Variants in UPP2 observed in about 807,000 individuals in gnomAD.
The protein encoded by UPP2 is UPase 2.
UPP2 carries 23 observed loss-of-function variants against 26.7 expected under a neutral mutation model. That is an observed-to-expected ratio of 0.86 (90% CI 0.62 to 1.22). The LOEUF is 1.22. Ranked by LOEUF, UPP2 falls within the 50% of genes most tolerant of loss-of-function variation. UPP2 has a pLI of 0.00. For missense variants in UPP2, 387 were observed against 396.7 expected (o/e 0.98, Z 0.21); for synonymous variants, 127 against 141.3 (o/e 0.90, Z 0.72).
At chr2:158,017,877 T>G (rs901597859) in intron 3 of UPP2, among the ~76,000 whole-genome samples, 3 of 152,268 alleles carry the variant, frequency 2.0e-5, no homozygotes, top group African/African-American at 7.2e-5. Context: ...TTTCTATTAT[T>G]CTTTGTTTCT....
chr2:158,111,954 G>C (rs1683328321), intron 2 of UPP2, among the ~76,000 whole-genome samples: 1 of 152,088 alleles, frequency 6.6e-6, no homozygotes, highest in African/African-American at 2.4e-5. Flanking sequence ...AAGAAATTTT[G>C]AAAGCTCTAA....
intron 2 of UPP2, among the ~76,000 whole-genome samples, chr2:158,012,330 C>T (rs746856008): frequency 2.5e-5 from 3 of 121,734 alleles, no homozygotes; most frequent in African/African-American, 5.9e-5. Flanking sequence ...TACAGTGAAA[C>T]GATCTCGGCT....
At chr2:158,119,354 A>G (rs7576829) in intron 4 of UPP2, among the ~76,000 whole-genome samples, 84,829 of 151,832 alleles carry the variant, frequency 0.56, 24,423 homozygotes, top group African/African-American at 0.59. Context: ...AACCCACTGT[A>G]CTGGTGTGGA....
chr2:158,073,000 A>G (rs1183492627), intron 3 of UPP2, among the ~76,000 whole-genome samples: 1 of 152,192 alleles, frequency 6.6e-6, no homozygotes, highest in Non-Finnish European at 1.5e-5. Flanking sequence ...CCATGGACCA[A>G]TCCTGGAAAA....
intron 4 of UPP2, among the ~76,000 whole-genome samples, chr2:158,120,952 T>A (rs57738915): frequency 2.0e-5 from 3 of 151,908 alleles, no homozygotes; most frequent in African/African-American, 4.8e-5. Context: ...CTGATTTACA[T>A]GAAGTCGGCG....
rs550987314 is a variant in UPP2, at chr2:158,007,613, G to A, written c.62-8188G>A. Among the ~76,000 whole-genome samples the A allele has an allele frequency of 8.6e-5, 13 of 150,456 alleles. No homozygotes were observed. The South Asian group carries it at 1.5e-3, about 17-fold the overall frequency. ...GCTAAGAGGAGCGTGGGTTTTTCAC[G>A]TATTTCTCTCTCTCTCTTTTTTTTT... On this transcript the variant is annotated intron_variant, in intron 2 of 9. Transcript: ENST00000605860.
chr2:158,093,312 A>G (rs973379471), intron 3 of UPP2, among the ~76,000 whole-genome samples: 1 of 144,562 alleles, frequency 6.9e-6, no homozygotes, highest in Non-Finnish European at 1.5e-5. Context: ...ACACAATTAG[A>G]AAAAAAATAA....
intron 3 of UPP2, among the ~76,000 whole-genome samples, chr2:158,059,482 C>T (rs182721773): frequency 3.4e-4 from 52 of 152,328 alleles, no homozygotes; most frequent in African/African-American, 1.2e-3. Flanking sequence ...AGTGTTGTTC[C>T]ACATGCAGTC....
rs540718860 is a variant in UPP2, at chr2:158,022,571, C to A, written c.147+6685C>A. On this transcript the variant is annotated intron_variant, in intron 3 of 9. Coordinates refer to the UPP2 transcript ENST00000605860. ...ATTTAAAAATGTTGGTCTGAACCCA[C>A]TAAATTGACACCACACAATAGTTGA... 3.3e-5 allele frequency among the ~76,000 whole-genome samples: 5 copies of A among 152,122 alleles called. No homozygotes were observed. The South Asian group carries it at 1.0e-3, about 32-fold the overall frequency.
chr2:158,063,754 A>AC (rs1272716765), intron 3 of UPP2, among the ~76,000 whole-genome samples: 2 of 149,526 alleles, frequency 1.3e-5, no homozygotes, highest in Admixed American at 1.3e-4. Context: ...CTTAGCCTCC[A>AC]CCCCCCGACA....
chr2:158,058,260 G>T (rs578059866), intron 3 of UPP2, among the ~76,000 whole-genome samples: 10 of 145,028 alleles, frequency 6.9e-5, no homozygotes, highest in South Asian at 2.3e-4. Flanking sequence ...GCCACTGCAT[G>T]CCAGCCTGGG....
At chr2:158,065,058 C>T (rs1381927858) in intron 3 of UPP2, among the ~76,000 whole-genome samples, 6 of 152,112 alleles carry the variant, frequency 3.9e-5, no homozygotes. Flanking sequence ...TCTGCAGCTC[C>T]CAGTGAGATC....
chr2:158,108,562 G>C (rs1401092975), intron 2 of UPP2, among the ~76,000 whole-genome samples: 1 of 151,826 alleles, frequency 6.6e-6, no homozygotes, highest in East Asian at 1.9e-4. Context: ...ATAAAAATAA[G>C]GGGACTCACA....
At chr2:158,032,748 G>C (rs759916262) in intron 3 of UPP2, among the ~76,000 whole-genome samples, 3 of 152,156 alleles carry the variant, frequency 2.0e-5, no homozygotes, top group Non-Finnish European at 4.4e-5. Context: ...CACTACAAAG[G>C]CTGGATTCTG....
At chr2:158,024,973 G>A (rs149207705) in intron 3 of UPP2, among the ~76,000 whole-genome samples, 5,793 of 152,088 alleles carry the variant, frequency 0.038, 363 homozygotes, top group African/African-American at 0.13. Context: ...AGGCCAAGGC[G>A]GGTGAATCAC....
intron 2 of UPP2, among the ~76,000 whole-genome samples, chr2:158,001,901 A>G (rs1683413223): frequency 1.3e-5 from 2 of 149,066 alleles, no homozygotes; most frequent in Non-Finnish European, 3.0e-5. Flanking sequence ...TGGATCTTAG[A>G]TCAAGCCATT....
intron 2 of UPP2, among the ~76,000 whole-genome samples, chr2:157,999,103 C>G (rs922517647): frequency 6.6e-6 from 1 of 152,150 alleles, no homozygotes; most frequent in Admixed American, 6.5e-5. Context: ...TCAATCCCAT[C>G]TAGTTTATTT....
chr2:158,027,926 G>T (rs1467429556), intron 3 of UPP2, among the ~76,000 whole-genome samples: 1 of 152,182 alleles, frequency 6.6e-6, no homozygotes, highest in East Asian at 1.9e-4. Context: ...TTTCAGCCAC[G>T]GCTGGAGTGA....
At chr2:158,079,341 T>C (rs989205796) in intron 3 of UPP2, among the ~76,000 whole-genome samples, 36 of 152,120 alleles carry the variant, frequency 2.4e-4, no homozygotes, top group African/African-American at 7.7e-4. Flanking sequence ...CTGTAGGATA[T>C]CCAAATTATA....
Sources: gnomAD v4.1 joint callset for allele counts (sites outside exome capture counted in the v4.1 genomes callset) on GRCh38, gnomAD v4.1.1 for gene constraint, MANE v1.5 for transcripts, NCBI Gene and HGNC (gene_info 2026-07-23, HGNC 2026-07-21) for gene names.